Variants in ZNF678 observed in about 807,000 individuals in gnomAD.
ZNF678 encodes hypothetical protein MGC42493.
In ZNF678, 5 loss-of-function variants were observed where a neutral mutation model predicts 3.0. That is an observed-to-expected ratio of 1.69 (90% confidence interval 0.88 to 3.56). The LOEUF is 3.56. Among genes scored for constraint, ZNF678 ranks in the 30% most tolerant of loss-of-function variants. The pLI, the probability that ZNF678 is intolerant of heterozygous loss-of-function variation, is 0.00. For missense variants in ZNF678, 593 were observed against 605.0 expected (o/e 0.98, Z 0.21); for synonymous variants, 218 against 199.6 (o/e 1.09, Z -0.78).
intron 1 of ZNF678, among the ~76,000 whole-genome samples, chr1:227,643,166 T>TAGGAGG (rs752970327): frequency 1.3e-5 from 2 of 151,570 alleles, no homozygotes; most frequent in South Asian, 2.1e-4. Flanking sequence ...TTATTAGTAG[T>TAGGAGG]AGGAGGAGGA....
downstream of ZNF678, among the ~76,000 whole-genome samples, chr1:227,679,523 TG>T (rs1659732997): frequency 6.7e-6 from 1 of 149,060 alleles, no homozygotes; most frequent in Non-Finnish European, 1.5e-5. Flanking sequence ...ACCCCCTGCT[TG>T]CTCAATTGAT....
intron 1 of ZNF678, among the ~76,000 whole-genome samples, chr1:227,597,818 A>T (rs1657632924): frequency 6.6e-6 from 1 of 152,216 alleles, no homozygotes; most frequent in Admixed American, 6.5e-5. Flanking sequence ...AAAGGGCAAG[A>T]CTGCTGGTAC....
Position 227,658,494 on chromosome 1 carries a change from T to C in ZNF678, c.*2666T>C, listed in dbSNP as rs1482406772. Reference sequence around the variant, plus strand: ...AACTGCCTCTGAAATTAAGAGGAATTGTGTTTATTTCATAGTTATCTCTGG... The same window carrying C: ...AACTGCCTCTGAAATTAAGAGGAATCGTGTTTATTTCATAGTTATCTCTGG... On this transcript the variant is annotated 3_prime_UTR_variant, in exon 4 of 4. Coordinates refer to ENST00000343776, the MANE Select transcript of ZNF678 (RefSeq NM_001367909.1). 2 of 152,056 alleles carry C rather than the reference T, an allele frequency of 1.3e-5. No individual in the cohort carries two copies. The highest frequency in any genetic ancestry group is 3.8e-4 in the East Asian group (2 of 5,198). The allele number at this position is 152,056 out of a possible 1,614,324, so 9.4% of individuals were successfully genotyped here. A position where few individuals can be genotyped will look rare whatever the true frequency, so the allele number is the denominator to read the frequency against.
chr1:227,589,027 ACT>A (rs1391489611), intron 1 of ZNF678, among the ~76,000 whole-genome samples: 2 of 150,884 alleles, frequency 1.3e-5, no homozygotes, highest in Non-Finnish European at 2.9e-5. Context: ...TTCCTTGTAG[ACT>A]CTGAATATTG....
In ZNF678 at chr1:227,563,788, C is replaced by A. The variant is rs56095928; in HGVS notation, c.-164+64C>A. 6,358 of 1,292,284 alleles carry A rather than the reference C, an allele frequency of 4.9e-3. 27 individuals are homozygous for A. Among genetic ancestry groups the A allele is most frequent in the Non-Finnish European group, 5.2e-3 (5,102 of 978,622 alleles). 80.1% of individuals were successfully genotyped at this position (1,292,284 alleles called of 1,614,324 possible). On this transcript the variant is annotated intron_variant, in intron 1 of 3. Transcript: ENST00000343776. ...GGCCTCCCGGCGTCAGCACTAGAGTCCGCGGCCCGGAGTCCCGGCTGGCAC... is the reference window on the plus strand; with the variant it reads ...GGCCTCCCGGCGTCAGCACTAGAGTACGCGGCCCGGAGTCCCGGCTGGCAC...
chr1:227,653,068 T>C (rs1659127337), intron 3 of ZNF678, among the ~76,000 whole-genome samples: 1 of 152,098 alleles, frequency 6.6e-6, no homozygotes, highest in African/African-American at 2.4e-5. Context: ...TTTCTTTCAA[T>C]ACCCTGATTA....
intron 1 of ZNF678, among the ~76,000 whole-genome samples, chr1:227,643,185 AG>A (rs1476707739): frequency 2.6e-5 from 4 of 152,086 alleles, no homozygotes; most frequent in Non-Finnish European, 5.9e-5. Context: ...GAGGAGGAGG[AG>A]GAGTTAGTAG....
intron 1 of ZNF678, among the ~76,000 whole-genome samples, chr1:227,578,269 T>A (rs1240118850): frequency 1.3e-5 from 2 of 152,238 alleles, no homozygotes; most frequent in South Asian, 4.1e-4. Flanking sequence ...TTTTTTGAAT[T>A]TGAATGTTGG....
intron 1 of ZNF678, among the ~76,000 whole-genome samples, chr1:227,575,772 A>G (rs1656972674): frequency 6.6e-6 from 1 of 152,120 alleles, no homozygotes; most frequent in South Asian, 2.1e-4. Context: ...CAGGACTTCC[A>G]TTACTATGTT....
chr1:227,631,388 A>G (rs1206993775), intron 1 of ZNF678, among the ~76,000 whole-genome samples: 99 of 152,322 alleles, frequency 6.5e-4, no homozygotes, highest in Non-Finnish European at 4.4e-5. Context: ...CAGTGTGCCC[A>G]ACATTGCCTT....
At chr1:227,651,937 A>G (rs1426771520) in intron 3 of ZNF678, among the ~76,000 whole-genome samples, 2 of 152,126 alleles carry the variant, frequency 1.3e-5, no homozygotes, top group Non-Finnish European at 2.9e-5. Context: ...GGAGATATAC[A>G]AGAAGAGGAC....
At chr1:227,577,191 G>T (rs1426504420) in intron 1 of ZNF678, among the ~76,000 whole-genome samples, 56 of 152,300 alleles carry the variant, frequency 3.7e-4, no homozygotes, top group Admixed American at 3.7e-3. Flanking sequence ...TGTGCCATGT[G>T]GCTATGAGAA....
chr1:227,615,928 C>T (rs567530612), intron 1 of ZNF678, among the ~76,000 whole-genome samples: 1 of 152,284 alleles, frequency 6.6e-6, no homozygotes, highest in Non-Finnish European at 1.5e-5. Flanking sequence ...CTTGTGATCT[C>T]CCCTAATTTT....
At chr1:227,622,442 A>G (rs1658304041) in intron 1 of ZNF678, among the ~76,000 whole-genome samples, 1 of 152,114 alleles carries the variant, frequency 6.6e-6, no homozygotes, top group African/African-American at 2.4e-5. Context: ...CTGCATCCCA[A>G]CCACCTTGGG....
At position 227,660,641 on chromosome 1, in the gene ZNF678, T is replaced by C. The variant is rs927919071; in HGVS notation, c.*4813T>C. The C allele has an allele frequency of 1.3e-5, 2 of 152,190 alleles. No individual in the cohort carries two copies. The highest frequency in any genetic ancestry group is 2.9e-5 in the Non-Finnish European group (2 of 68,032). The allele number at this position is 152,190 out of a possible 1,614,324, so 9.4% of individuals were successfully genotyped here. A position where few individuals can be genotyped will look rare whatever the true frequency, so the allele number is the denominator to read the frequency against. On this transcript the variant is annotated 3_prime_UTR_variant, in exon 4 of 4. Transcript: ENST00000343776. The stretch of plus-strand genomic sequence containing the variant: ...TTAAAGTTTTCTATTTATAAGACTA[T>C]GATATCTGCAAACAGGGACAATTAT...
intron 1 of ZNF678, among the ~76,000 whole-genome samples, chr1:227,637,921 T>C (rs1658720560): frequency 6.6e-6 from 1 of 152,172 alleles, no homozygotes; most frequent in Admixed American, 6.5e-5. Flanking sequence ...ATATTTTTGC[T>C]TTCTTAGGGG....
At position 227,662,247 on chromosome 1, in the gene ZNF678, A is replaced by G. The variant is rs1659427014; in HGVS notation, c.*6419A>G. 4 of 152,194 alleles carry G rather than the reference A, an allele frequency of 2.6e-5. No homozygotes were observed. Among genetic ancestry groups the G allele is most frequent in the Admixed American group, 2.0e-4 (3 of 15,272 alleles). 9.4% of individuals were successfully genotyped at this position (152,194 alleles called of 1,614,324 possible). On this transcript the variant is annotated 3_prime_UTR_variant, in exon 4 of 4. Transcript: ENST00000343776. ...AACATCCTCATTGTAGAGATGAGAA[A>G]ACACAGGCTTTTGCACATCCAATGT...
At chr1:227,590,673 A>G (rs2102737808) in intron 1 of ZNF678, among the ~76,000 whole-genome samples, 1 of 151,990 alleles carries the variant, frequency 6.6e-6, no homozygotes, top group East Asian at 1.9e-4. Flanking sequence ...AGATGGTTTA[A>G]TAGTGCCAAT....
rs956288014 is a variant in ZNF678 at position 227,662,316 on chromosome 1, G to C, written c.*6488G>C. ...TCAGAATTGAGAACGTGCAGAGTGA[G>C]AGTGGTATGAATTTTCCTGTAAGCT... On this transcript the variant is annotated 3_prime_UTR_variant, in exon 4 of 4. Coordinates refer to ENST00000343776, the MANE Select transcript of ZNF678 (RefSeq NM_001367909.1). 1.3e-5 allele frequency: 2 copies of C among 152,210 alleles called. No individual in the cohort carries two copies. The highest frequency in any genetic ancestry group is 2.9e-5 in the Non-Finnish European group (2 of 68,040). The allele number at this position is 152,210 out of a possible 1,614,324, so 9.4% of individuals were successfully genotyped here. A position where few individuals can be genotyped will look rare whatever the true frequency, so the allele number is the denominator to read the frequency against.
Sources: gnomAD v4.1 joint callset for allele counts (sites outside exome capture counted in the v4.1 genomes callset) on GRCh38, gnomAD v4.1.1 for gene constraint, MANE v1.5 for transcripts, NCBI Gene and HGNC (gene_info 2026-07-23, HGNC 2026-07-21) for gene names.